The following ZNF461 variants were observed in gnomAD, a reference collection of about 807,000 sequenced individuals.
ZNF461 encodes gonadotropin-inducible ovarian transcription factor-1.
ZNF461 carries 16 observed loss-of-function variants against 18.3 expected under a neutral mutation model. That is an observed-to-expected ratio of 0.88 (90% CI 0.59 to 1.33). The LOEUF (loss-of-function observed/expected upper bound fraction) is 1.33. Ranked by LOEUF, ZNF461 falls within the 40% of genes most tolerant of loss-of-function variation. ZNF461 has a pLI of 0.00. For missense variants in ZNF461, 595 were observed against 669.9 expected (o/e 0.89, Z 1.23); for synonymous variants, 179 against 216.9 (o/e 0.83, Z 1.54).
chr19:36,662,727 T>A (rs937406834), intron 2 of ZNF461, among the ~76,000 whole-genome samples: 2 of 152,246 alleles, frequency 1.3e-5, no homozygotes, highest in African/African-American at 4.8e-5. Context: ...ATTTTATTAT[T>A]AAATTCTAGT....
At chr19:36,651,470 A>G (rs2145392364) in intron 4 of ZNF461, among the ~76,000 whole-genome samples, 1 of 152,140 alleles carries the variant, frequency 6.6e-6, no homozygotes, top group African/African-American at 2.4e-5. Flanking sequence ...ATAAGTAGGA[A>G]TCTCTAAGAA....
In ZNF461 at chr19:36,638,902, A is replaced by G. The variant is rs373360334; in HGVS notation, c.1443T>C (p.His481=). 43 of 1,598,420 alleles carry G rather than the reference A, an allele frequency of 2.7e-5. No individual in the cohort carries two copies. In the African/African-American group the frequency reaches 4.7e-4, roughly 18 times the overall value. Residue 481 remains histidine, a synonymous_variant, in exon 6 of 6, where the codon CAT becomes CAC. Coordinates refer to ENST00000588268, the MANE Select transcript of ZNF461 (RefSeq NM_153257.5). ...TTCTTTGATGTTGAATAAGGTGTGA[A>G]TGAAGTCTAAAGGCCTTACCACATA... is the stretch of plus-strand genomic sequence containing the variant. The part of the protein sequence containing the change: ...CMICGKAFRL[H]SHLIQHQRIH...
Position 36,638,725 on chromosome 19 carries a change from A to C in ZNF461, c.1620T>G (p.His540Gln), listed in dbSNP as rs1489362755. 6.2e-7 allele frequency: 1 copy of C among 1,613,922 alleles called. No homozygotes were observed. The highest frequency in any genetic ancestry group is 1.1e-5 in the South Asian group (1 of 91,078). The change falls in exon 6 of 6, where the codon CAT becomes CAG. Residue 540 changes from histidine (H) to glutamine (Q), a missense_variant. Coordinates refer to ENST00000588268, the MANE Select transcript of ZNF461 (RefSeq NM_153257.5). ...AFNHRLQLNL[H>Q]QTLHTGEKPV... is the part of the protein sequence containing the mutation. ...GCTTCTCGCCAGTATGAAGAGTCTG[A>C]TGTAAGTTAAGTTGTAATCTATGAT...
At chr19:36,656,606 G>T in intron 3 of ZNF461, 63 bp from the exon 4 acceptor site, 1 of 1,275,730 alleles carries the variant, frequency 7.8e-7, no homozygotes, top group Non-Finnish European at 1.1e-6. Context: ...CAGTGATTTA[G>T]AACTGATTAA....
At position 36,638,834 on chromosome 19, in the gene ZNF461, T is replaced by C. The variant is rs562716096; in HGVS notation, c.1511A>G (p.Lys504Arg). ...EKPYECKECG[K>R]AFSYHSSFSH... ...GAAGCTTGAATGATAGCTAAAGGCC[T>C]TCCCACATTCCTTACATTCATAGGG... is the stretch of plus-strand genomic sequence containing the variant. Residue 504 changes from lysine to arginine, a missense_variant, in exon 6 of 6, where the codon AAG becomes AGG. Transcript: ENST00000588268. 26 of 1,614,148 alleles carry C rather than the reference T, an allele frequency of 1.6e-5. No homozygotes were observed. The Admixed American group carries it at 2.2e-4, about 13-fold the overall frequency.
At chr19:36,656,765 G>A (rs1033819179) in intron 3 of ZNF461, among the ~76,000 whole-genome samples, 27 of 151,520 alleles carry the variant, frequency 1.8e-4, no homozygotes, top group African/African-American at 6.3e-4. Flanking sequence ...TTAAATTTAT[G>A]TAAGGTTTCT....
chr19:36,663,342 G>T (rs1247444551), intron 2 of ZNF461, among the ~76,000 whole-genome samples: 2 of 152,046 alleles, frequency 1.3e-5, no homozygotes, highest in Non-Finnish European at 2.9e-5. Flanking sequence ...TATTTGCCTG[G>T]TATAGTTGTT....
chr19:36,651,419 T>C (rs3108209), intron 4 of ZNF461, among the ~76,000 whole-genome samples: 102,422 of 151,624 alleles, frequency 0.68, 34,954 homozygotes, highest in East Asian at 0.82. Context: ...GCATAGATTA[T>C]GAAATAAAAA....
intron 4 of ZNF461, among the ~76,000 whole-genome samples, chr19:36,652,780 C>T (rs564641182): frequency 6.6e-5 from 10 of 152,196 alleles, no homozygotes; most frequent in East Asian, 3.9e-4. Context: ...TCGCTCTTCA[C>T]GATAAACCTT....
intron 4 of ZNF461, among the ~76,000 whole-genome samples, chr19:36,654,230 A>G (rs2037677845): frequency 6.6e-6 from 1 of 152,226 alleles, no homozygotes; most frequent in South Asian, 2.1e-4. Context: ...TTATCTTTAC[A>G]TTAAAATATG....
At chr19:36,641,035 T>C (rs1395937202) in intron 5 of ZNF461, among the ~76,000 whole-genome samples, 3 of 152,178 alleles carry the variant, frequency 2.0e-5, no homozygotes, top group Admixed American at 1.3e-4. Context: ...GCCAAAGCCT[T>C]TTCCTATGTT....
At chr19:36,642,739 G>GGT (rs373352965) in intron 5 of ZNF461, among the ~76,000 whole-genome samples, 21 of 144,646 alleles carry the variant, frequency 1.5e-4, no homozygotes, top group African/African-American at 4.6e-4. Flanking sequence ...TGGCAGACAT[G>GGT]GTGTGTGTGT....
At chr19:36,650,534 G>A (rs1600429057) in intron 4 of ZNF461, among the ~76,000 whole-genome samples, 5 of 152,038 alleles carry the variant, frequency 3.3e-5, no homozygotes, top group Admixed American at 1.3e-4. Context: ...TTTACACAAC[G>A]TCTTCCAGAA....
intron 2 of ZNF461, among the ~76,000 whole-genome samples, chr19:36,659,874 A>G (rs1244472882): frequency 6.6e-6 from 1 of 152,192 alleles, no homozygotes; most frequent in African/African-American, 2.4e-5. Flanking sequence ...CAATTTTTCC[A>G]TGCAAGCACT....
chr19:36,666,621 A>G (rs1377740769), intron 1 of ZNF461, 69 bp downstream of exon 1: 1 of 149,854 alleles, frequency 6.7e-6, no homozygotes, highest in East Asian at 2.0e-4. Flanking sequence ...CTAAGGGCTG[A>G]TCCCGCACTC....
chr19:36,652,964 T>C lies in ZNF461; in HGVS notation c.232+3484A>G, dbSNP rs545750666. 1.2e-4 allele frequency among the ~76,000 whole-genome samples: 19 copies of C among 152,290 alleles called. No individual in the cohort carries two copies. In the South Asian group the frequency reaches 3.1e-3, roughly 25 times the overall value. ...TGGAGAGACATTTCACTAAATAGGATAGACAGATGGCACACACAGATGTTC... is the reference window on the plus strand; with the variant it reads ...TGGAGAGACATTTCACTAAATAGGACAGACAGATGGCACACACAGATGTTC... On this transcript the variant is annotated intron_variant, in intron 4 of 5. Coordinates refer to ENST00000588268, the MANE Select transcript of ZNF461 (RefSeq NM_153257.5).
At position 36,643,859 on chromosome 19, in the gene ZNF461, G is replaced by A; in HGVS notation, c.236C>T (p.Thr79Ile). The part of the protein sequence containing the change: ...REETGRWCPG[T>I]WKTWGFHNNF... ...ATTGTGAAATCCCCAAGTTTTCCAT[G>A]TACCTACATGGAAACAAAAGAATAA... is the stretch of plus-strand genomic sequence containing the variant. The change falls in exon 5 of 6, where the codon ACA becomes ATA. Residue 79 changes from threonine to isoleucine, a missense_variant. By Grantham distance (89) the Thr-to-Ile change is moderately conservative. Transcript: ENST00000588268. 6.6e-7 allele frequency: 1 copy of A among 1,523,944 alleles called. No homozygotes were observed. The highest frequency in any genetic ancestry group is 8.9e-7 in the Non-Finnish European group (1 of 1,129,512). 94.4% of individuals were successfully genotyped at this position (1,523,944 alleles called of 1,614,324 possible).
intron 2 of ZNF461, 65 bp from the exon 3 acceptor site, chr19:36,658,490 A>G (rs2145409485): frequency 6.7e-7 from 1 of 1,483,486 alleles, no homozygotes; most frequent in South Asian, 1.3e-5. Flanking sequence ...AGAAAAGAGA[A>G]GTGCTAAAAG....
At chr19:36,647,371 C>T (rs1283885100) in intron 4 of ZNF461, among the ~76,000 whole-genome samples, 1 of 152,038 alleles carries the variant, frequency 6.6e-6, no homozygotes, top group Non-Finnish European at 1.5e-5. Context: ...TAAACCCTGT[C>T]TCTACTAAAA....
Sources: allele counts gnomAD v4.1 joint callset (sites outside exome capture counted in the v4.1 genomes callset), GRCh38; gene constraint gnomAD v4.1.1; transcripts MANE v1.5; gene names NCBI Gene and HGNC (gene_info 2026-07-23, HGNC 2026-07-21).